Variants in ANO3 observed in about 807,000 individuals in gnomAD.
ANO3 encodes anoctamin 3, also known as anoctamin-3.
Under a neutral mutation model 144.8 loss-of-function variants are expected in ANO3, and 99 were observed. The ratio of observed to expected loss-of-function variants is 0.68; its 90% CI spans 0.58 to 0.81. The LOEUF (loss-of-function observed/expected upper bound fraction) is 0.81. Ranked by LOEUF, ANO3 falls within the 30% of genes least tolerant of loss-of-function variation. The pLI is 0.00. For synonymous variants in ANO3, 414 were observed against 392.6 expected (o/e 1.05, Z -0.64); for missense variants, 905 against 1,202.2 (o/e 0.75, Z 3.66).
intron 1 of ANO3, among the ~76,000 whole-genome samples, chr11:26,297,814 T>C (rs781411244): frequency 4.6e-5 from 7 of 152,240 alleles, no homozygotes; most frequent in Non-Finnish European, 8.8e-5. Context: ...GCAGTCATTA[T>C]TCATGCCGTT....
At chr11:26,224,224 C>T (rs1277877925) in intron 1 of ANO3, among the ~76,000 whole-genome samples, 2 of 152,190 alleles carry the variant, frequency 1.3e-5, no homozygotes, top group African/African-American at 4.8e-5. Flanking sequence ...AGTTCACCCA[C>T]AGCTTGTCAG....
intron 24 of ANO3, among the ~76,000 whole-genome samples, chr11:26,655,903 G>A (rs756880011): frequency 6.6e-6 from 1 of 151,934 alleles, no homozygotes; most frequent in Admixed American, 6.6e-5. Context: ...CAGATGAAAA[G>A]GCAAGATAGG....
rs1441027287 is a variant in ANO3 at position 26,274,418 on chromosome 11, G to C, written c.155-35227G>C. Reference sequence around the variant, plus strand: ...TGTTTATGTTGTCCCTAATTTTTCAGTAATACAAATAATTCTAGAATACAG... The same window carrying C: ...TGTTTATGTTGTCCCTAATTTTTCACTAATACAAATAATTCTAGAATACAG... On this transcript the variant is annotated intron_variant, in intron 1 of 27. Coordinates refer to the ANO3 transcript ENST00000672621. Among the ~76,000 whole-genome samples the C allele has an allele frequency of 1.3e-5, 2 of 151,832 alleles. 1 individual carries two copies. Among genetic ancestry groups the C allele is most frequent in the Admixed American group, 1.3e-4 (2 of 15,228 alleles).
chr11:26,504,238 G>A (rs146010635), intron 4 of ANO3, among the ~76,000 whole-genome samples: 2 of 148,094 alleles, frequency 1.4e-5, no homozygotes, highest in Non-Finnish European at 3.0e-5. Context: ...TATTATAAAT[G>A]TCAGAAGGGA....
intron 14 of ANO3, among the ~76,000 whole-genome samples, chr11:26,572,648 A>T (rs1466056158): frequency 6.6e-6 from 1 of 152,154 alleles, no homozygotes; most frequent in African/African-American, 2.4e-5. Flanking sequence ...GTCAGTAGTG[A>T]GGCGTCTATT....
At chr11:26,326,972 C>T (rs887294409) in intron 1 of ANO3, among the ~76,000 whole-genome samples, 25 of 152,108 alleles carry the variant, frequency 1.6e-4, no homozygotes, top group Non-Finnish European at 7.4e-5. Context: ...TGTTGTCAAA[C>T]CAGTACAGCA....
intron 1 of ANO3, among the ~76,000 whole-genome samples, chr11:26,400,569 A>T (rs1476373427): frequency 6.6e-6 from 1 of 151,992 alleles, no homozygotes; most frequent in Admixed American, 6.6e-5. Context: ...AACATAATGT[A>T]TCTGTATTTA....
chr11:26,566,716 C>T (rs773572495), intron 14 of ANO3, among the ~76,000 whole-genome samples: 3 of 151,708 alleles, frequency 2.0e-5, no homozygotes, highest in Non-Finnish European at 2.9e-5. Context: ...CACATCATTC[C>T]GCCTCTTAAG....
At chr11:26,571,257 T>C (rs970250824) in intron 14 of ANO3, among the ~76,000 whole-genome samples, 2 of 152,162 alleles carry the variant, frequency 1.3e-5, no homozygotes, top group Non-Finnish European at 2.9e-5. Flanking sequence ...TGTATCATAC[T>C]GTAATGTCTA....
chr11:26,534,656 T>A (rs1004736650), intron 9 of ANO3, 94 bp downstream of exon 9: 1 of 786,754 alleles, frequency 1.3e-6, no homozygotes, highest in Non-Finnish European at 2.1e-6. Flanking sequence ...TTGCTTTAAT[T>A]CATTAAATAG....
intron 1 of ANO3, among the ~76,000 whole-genome samples, chr11:26,402,524 G>A (rs1253341255): frequency 1.3e-5 from 2 of 151,786 alleles, no homozygotes; most frequent in African/African-American, 4.8e-5. Flanking sequence ...GATACTGGAT[G>A]TTAGACTTTT....
intron 4 of ANO3, among the ~76,000 whole-genome samples, chr11:26,506,530 G>A (rs936343578): frequency 6.6e-6 from 1 of 152,162 alleles, no homozygotes; most frequent in Admixed American, 6.5e-5. Flanking sequence ...AGGCCCTGGT[G>A]GCTTCACTGG....
At chr11:26,233,031 A>G (rs1467181487) in intron 1 of ANO3, among the ~76,000 whole-genome samples, 1 of 152,020 alleles carries the variant, frequency 6.6e-6, no homozygotes. Context: ...CCTGGCTAAC[A>G]CGGTGAAACC....
chr11:26,303,391 G>A (rs886467813), intron 1 of ANO3, among the ~76,000 whole-genome samples: 3 of 152,022 alleles, frequency 2.0e-5, no homozygotes, highest in Admixed American at 6.5e-5. Context: ...TATGCCCTTC[G>A]CAGCAACAAA....
At chr11:26,530,494 TATCTATC>T (rs143641330) in intron 7 of ANO3, among the ~76,000 whole-genome samples, 5,075 of 25,152 alleles carry the variant, frequency 0.2, 108 homozygotes, top group Admixed American at 0.27. Context: ...TCTATCTATC[TATCTATC>T]ATCTATCTAT....
intron 1 of ANO3, among the ~76,000 whole-genome samples, chr11:26,262,085 C>T (rs1853203209): frequency 6.6e-6 from 1 of 152,134 alleles, no homozygotes; most frequent in Admixed American, 6.6e-5. Context: ...TTCTCCTAGC[C>T]TATTCTTGCT....
rs572833147 is a variant in ANO3 at position 26,535,669 on chromosome 11, G to A, written c.976+1107G>A. Among the ~76,000 whole-genome samples, 56 of 123,118 alleles carry A rather than the reference G, an allele frequency of 4.5e-4. No individual in the cohort carries two copies. In the South Asian group the frequency reaches 0.015, roughly 33 times the overall value. The allele number at this position is 123,118 out of a possible 152,430, so 80.8% of individuals were successfully genotyped here. A position where few individuals can be genotyped will look rare whatever the true frequency, so the allele number is the denominator to read the frequency against. Reference sequence around the variant, plus strand: ...ACGATCTCAATTCACTGCAAGCTCTGCCTCCCGGGTTCACACCATTCTCCT... The same window carrying A: ...ACGATCTCAATTCACTGCAAGCTCTACCTCCCGGGTTCACACCATTCTCCT... On this transcript the variant is annotated intron_variant, in intron 9 of 26. Transcript: ENST00000256737.
intron 1 of ANO3, among the ~76,000 whole-genome samples, chr11:26,423,216 A>G (rs1857805506): frequency 6.6e-6 from 1 of 151,912 alleles, no homozygotes; most frequent in South Asian, 2.1e-4. Context: ...TGTGAAAAGA[A>G]GAATCAGTGT....
intron 1 of ANO3, among the ~76,000 whole-genome samples, chr11:26,295,452 G>C (rs1253254423): frequency 6.7e-6 from 1 of 148,852 alleles, no homozygotes; most frequent in Non-Finnish European, 1.5e-5. Context: ...GTGAACCCGG[G>C]AGGCGGAGCT....
Sources: allele counts gnomAD v4.1 joint callset (sites outside exome capture counted in the v4.1 genomes callset), GRCh38; gene constraint gnomAD v4.1.1; transcripts MANE v1.5; gene names NCBI Gene and HGNC (gene_info 2026-07-23, HGNC 2026-07-21).